Variants in DIAPH1 observed in about 807,000 individuals in gnomAD.
The protein encoded by DIAPH1 is protein diaphanous homolog 1.
DIAPH1 carries 46 observed loss-of-function variants against 140.7 expected under a neutral mutation model. That is an observed-to-expected ratio of 0.33 (90% CI 0.26 to 0.42). The LOEUF (loss-of-function observed/expected upper bound fraction) is 0.42. DIAPH1 is among the 10% of genes least tolerant of loss of function. The pLI is 1.00. For missense variants in DIAPH1, 1,310 were observed against 1,558.7 expected, an observed-to-expected ratio of 0.84 and a Z score of 2.69; for synonymous variants, 565 against 551.6, an observed-to-expected ratio of 1.02 and a Z score of -0.34.
chr5:141,556,716 G>C (rs1252886349), intron 18 of DIAPH1, among the ~76,000 whole-genome samples: 1 of 151,978 alleles, frequency 6.6e-6, no homozygotes. Context: ...TTTTGAAATG[G>C]AGTCTCACTC....
intron 21 of DIAPH1, 76 bp from the exon 22 acceptor site, chr5:141,529,017 T>C: frequency 2.5e-6 from 4 of 1,593,014 alleles, no homozygotes; most frequent in Non-Finnish European, 3.4e-6. Context: ...TTGAGCCTCC[T>C]ATGGGAGGAT....
intron 18 of DIAPH1, among the ~76,000 whole-genome samples, chr5:141,550,905 T>C (rs750557067): frequency 5.9e-5 from 9 of 152,200 alleles, no homozygotes; most frequent in African/African-American, 2.2e-4. Context: ...AGTCTTAACA[T>C]CCAAACCAAA....
chr5:141,547,753 G>C (rs1405787001), intron 18 of DIAPH1, among the ~76,000 whole-genome samples: 2 of 152,164 alleles, frequency 1.3e-5, no homozygotes, highest in African/African-American at 4.8e-5. Context: ...AGCAAGATTT[G>C]AAGAGAAAAT....
intron 18 of DIAPH1, among the ~76,000 whole-genome samples, chr5:141,567,334 G>T (rs1369141198): frequency 6.6e-6 from 1 of 152,148 alleles, no homozygotes. Context: ...CTTTTTCCAT[G>T]TGAAGAAGTT....
intron 1 of DIAPH1, among the ~76,000 whole-genome samples, chr5:141,593,484 A>G (rs2099898811): frequency 6.6e-6 from 1 of 152,126 alleles, no homozygotes; most frequent in Non-Finnish European, 1.5e-5. Flanking sequence ...TTTCCCCTTG[A>G]GACAGAAGGT....
At chr5:141,527,810 C>T in intron 23 of DIAPH1, 113 bp from the exon 24 acceptor site, 1 of 1,283,242 alleles carries the variant, frequency 7.8e-7, no homozygotes, top group Non-Finnish European at 1.1e-6. Flanking sequence ...TCAGTCTATA[C>T]ACACATTCTG....
chr5:141,526,048 G>T lies in DIAPH1; in HGVS notation c.3564C>A (p.Asp1188Glu). The T allele has an allele frequency of 6.2e-7, 1 of 1,614,012 alleles. No homozygotes were observed. Among genetic ancestry groups the T allele is most frequent in the Non-Finnish European group, 8.5e-7 (1 of 1,180,016 alleles). The part of the protein sequence containing the change: ...EKQQKREQLI[D>E]MNAEGDETGV... ...GTCTTCACTCCTCACCTGCATTCAT[G>T]TCTATGAGTTGCTCTCTCTTCTGCT... is the stretch of plus-strand genomic sequence containing the variant. Residue 1188 changes from aspartate to glutamate, a missense_variant, in exon 26 of 28, where the codon GAC (aspartate) becomes GAA (glutamate). Physicochemically the swap from Asp to Glu is conservative, Grantham distance 45 (BLOSUM62 2). Transcript: ENST00000389054.
Position 141,573,485 on chromosome 5 carries a change from CT to C in DIAPH1, c.2358+6del, listed in dbSNP as rs1226744891. On this transcript the variant is annotated splice_donor_region_variant and intron_variant, in intron 16 of 27. Transcript: ENST00000389054. Reference sequence around the variant, plus strand: ...TGACTGGTGAAGAAATAGACAGAAACTCTTACCTTGGACCAGTTTGGCCTCC... The same window carrying C: ...TGACTGGTGAAGAAATAGACAGAAACCTTACCTTGGACCAGTTTGGCCTCC... 5 of 1,327,498 alleles carry C rather than the reference CT, an allele frequency of 3.8e-6. No homozygotes were observed. Among genetic ancestry groups the C allele is most frequent in the South Asian group, 3.5e-5 (3 of 86,108 alleles). 82.2% of individuals were successfully genotyped at this position (1,327,498 alleles called of 1,614,324 possible).
chr5:141,577,595 G>GA lies in DIAPH1; in HGVS notation c.1164-5dup. The GA allele has an allele frequency of 6.4e-7, 1 of 1,574,036 alleles. No individual in the cohort carries two copies. Among genetic ancestry groups the GA allele is most frequent in the Non-Finnish European group, 8.7e-7 (1 of 1,143,912 alleles). Reference sequence around the variant, plus strand: ...CTGAAAGACTTCATTAAAGTCAGTGGAAAAGGGAAATAGGCTAAGGAAAGC... The same window carrying GA: ...CTGAAAGACTTCATTAAAGTCAGTGGAAAAAGGGAAATAGGCTAAGGAAAGC... On this transcript the variant is annotated splice_polypyrimidine_tract_variant and splice_region_variant and intron_variant, in intron 11 of 27. Coordinates refer to ENST00000389054, the MANE Select transcript of DIAPH1 (RefSeq NM_005219.5).
intron 7 of DIAPH1, 53 bp from the exon 8 acceptor site, chr5:141,580,936 G>A: frequency 1.9e-6 from 3 of 1,612,458 alleles, no homozygotes; most frequent in Non-Finnish European, 1.7e-6. Flanking sequence ...GCATCTAACT[G>A]GGGGACAAGT....
rs2099903128 is a variant in DIAPH1, at chr5:141,618,834, G to A, written c.81C>T (p.Pro27=). 1 of 1,549,630 alleles carries A rather than the reference G, an allele frequency of 6.5e-7. No homozygotes were observed. The change falls in exon 1 of 28, where the codon CCC becomes CCT. Residue 27 remains proline, a synonymous_variant. Transcript: ENST00000389054. ...ATTTGCCGCCGTCGCCGCCCGCCGA[G>A]GGCAGCTCATCTGGGCTCCGGCCCT... ...KKKGRSPDEL[P]SAGGDGGKSK...
Position 141,515,252 on chromosome 5 carries a change from C to T in DIAPH1, c.*1599G>A, listed in dbSNP as rs930173307. ...GGAGGTGACCCAGGGGAGCAACAGA[C>T]GCCCTGCATCAGAGTCCTCCCAGGA... On this transcript the variant is annotated 3_prime_UTR_variant, in exon 28 of 28. Transcript: ENST00000389054. 7 of 152,468 alleles carry T rather than the reference C, an allele frequency of 4.6e-5. No homozygotes were observed. The highest frequency in any genetic ancestry group is 2.9e-5 in the Non-Finnish European group (2 of 68,050). 9.4% of individuals were successfully genotyped at this position (152,468 alleles called of 1,614,324 possible). A position where few individuals can be genotyped will look rare whatever the true frequency, so the allele number is the denominator to read the frequency against.
chr5:141,516,620 G>C lies in DIAPH1; in HGVS notation c.*231C>G. On this transcript the variant is annotated 3_prime_UTR_variant, in exon 28 of 28. Transcript: ENST00000389054. ...CCCTGCTTTGGTAATACAACAGCCA[G>C]GGCTGGCTAAGTCGGGCTCAGGCCT... 1 of 585,564 alleles carries C rather than the reference G, an allele frequency of 1.7e-6. No individual in the cohort carries two copies. The highest frequency in any genetic ancestry group is 1.9e-5 in the South Asian group (1 of 51,490). The allele number at this position is 585,564 out of a possible 1,614,324, so 36.3% of individuals were successfully genotyped here.
chr5:141,580,853 C>CT lies in DIAPH1; in HGVS notation c.714dup (p.Glu239ArgfsTer20), dbSNP rs781398732. The CT allele has an allele frequency of 6.2e-7, 1 of 1,614,194 alleles. No individual in the cohort carries two copies. The highest frequency in any genetic ancestry group is 8.5e-7 in the Non-Finnish European group (1 of 1,180,030). The stretch of plus-strand genomic sequence containing the variant: ...GCTCTGACCAGCAGTAGGATTCCTT[C>CT]TTCTGTCTCCAACATGGTCTTGATT... On this transcript the variant is annotated frameshift_variant, in exon 8 of 28. Coordinates refer to ENST00000389054, the MANE Select transcript of DIAPH1 (RefSeq NM_005219.5). LOFTEE classifies it high-confidence loss of function.
In DIAPH1 at chr5:141,610,843, G is replaced by C. The variant is rs555985964; in HGVS notation, c.117+7955C>G. Among the ~76,000 whole-genome samples the C allele has an allele frequency of 2.0e-5, 3 of 151,820 alleles. No homozygotes were observed. In the South Asian group the frequency reaches 6.2e-4, roughly 32 times the overall value. On this transcript the variant is annotated intron_variant, in intron 1 of 27. Coordinates refer to ENST00000389054, the MANE Select transcript of DIAPH1 (RefSeq NM_005219.5). ...TAATGCCAGCACTTTGGGAAGCCAA[G>C]GTAGGAGGATCACTTGAGCCCAAGA... is the stretch of plus-strand genomic sequence containing the variant.
intron 1 of DIAPH1, among the ~76,000 whole-genome samples, chr5:141,612,110 G>A (rs2099901942): frequency 6.6e-6 from 1 of 152,036 alleles, no homozygotes; most frequent in African/African-American, 2.4e-5. Context: ...AGCATACTGA[G>A]ATATCATCAC....
At chr5:141,562,404 C>T (rs2099893696) in intron 18 of DIAPH1, among the ~76,000 whole-genome samples, 1 of 151,866 alleles carries the variant, frequency 6.6e-6, no homozygotes. Flanking sequence ...TAGTATGTTC[C>T]TTGTTTTGGT....
intron 1 of DIAPH1, among the ~76,000 whole-genome samples, chr5:141,589,703 T>A (rs977362261): frequency 6.6e-6 from 1 of 152,116 alleles, no homozygotes; most frequent in African/African-American, 2.4e-5. Context: ...GTGTTTATGA[T>A]ATTCTGTATC....
At chr5:141,585,202 A>G (rs1596390608) in intron 3 of DIAPH1, among the ~76,000 whole-genome samples, 1 of 152,008 alleles carries the variant, frequency 6.6e-6, no homozygotes, top group South Asian at 2.1e-4. Flanking sequence ...TGATCCACCC[A>G]CCTCGGCCTC....
Sources: allele counts gnomAD v4.1 joint callset (sites outside exome capture counted in the v4.1 genomes callset), GRCh38; gene constraint gnomAD v4.1.1; transcripts MANE v1.5; gene names NCBI Gene and HGNC (gene_info 2026-07-23, HGNC 2026-07-21).